The following BCL11B variants were observed in gnomAD, a reference collection of about 807,000 sequenced individuals.
BCL11B encodes the protein BCL11 transcription factor B.
In BCL11B, 8 loss-of-function variants were observed where a neutral mutation model predicts 49.9. That is an observed-to-expected ratio of 0.16 (90% CI 0.09 to 0.29). The LOEUF is 0.29. Among genes scored for constraint, BCL11B ranks in the 10% least tolerant of loss-of-function variants. BCL11B has a pLI of 1.00. For synonymous variants in BCL11B, 739 were observed against 637.4 expected (o/e 1.16, Z -2.40); for missense variants, 1,006 against 1,351.0 (o/e 0.74, Z 4.00).
At chr14:99,190,863 C>T (rs548942521) in intron 3 of BCL11B, among the ~76,000 whole-genome samples, 1 of 152,264 alleles carries the variant, frequency 6.6e-6, no homozygotes, top group South Asian at 2.1e-4. Flanking sequence ...GCGACTGTGA[C>T]AGACAGCTCA....
At position 99,205,302 on chromosome 14, in the gene BCL11B, G is replaced by A. The variant is rs1887502730; in HGVS notation, c.640+26043C>T. Among the ~76,000 whole-genome samples the A allele has an allele frequency of 2.0e-5, 3 of 152,134 alleles. No individual in the cohort carries two copies. The South Asian group carries it at 6.2e-4, about 32-fold the overall frequency. On this transcript the variant is annotated intron_variant, in intron 3 of 3. Coordinates refer to ENST00000357195, the MANE Select transcript of BCL11B (RefSeq NM_138576.4). This position sits in a 1 kb window ranked among gnomAD's most constrained non-coding sequence, Gnocchi z 5.0. ...CCACAGGGTCTCAGACCCTGAAAATGAGCATCCGGGGACAGTCCCTAACTG... is the reference window on the plus strand; with the variant it reads ...CCACAGGGTCTCAGACCCTGAAAATAAGCATCCGGGGACAGTCCCTAACTG...
intron 3 of BCL11B, among the ~76,000 whole-genome samples, chr14:99,179,817 A>C (rs566081833): frequency 6.6e-6 from 1 of 152,196 alleles, no homozygotes; most frequent in African/African-American, 2.4e-5. Context: ...TTTTTAATAA[A>C]ACATTCATTT....
At chr14:99,269,817 C>CAT (rs1889602565) in intron 1 of BCL11B, among the ~76,000 whole-genome samples, 2 of 132,906 alleles carry the variant, frequency 1.5e-5, no homozygotes, top group Admixed American at 8.7e-5. Context: ...GGATTGCAAG[C>CAT]ATATAACCTG....
At chr14:99,227,471 C>G (rs889754580) in intron 3 of BCL11B, among the ~76,000 whole-genome samples, 1 of 152,250 alleles carries the variant, frequency 6.6e-6, no homozygotes, top group Admixed American at 6.5e-5. Context: ...ACTTGACCAC[C>G]GCTTTCCAAT....
chr14:99,221,711 C>T (rs1050344675), intron 3 of BCL11B, among the ~76,000 whole-genome samples: 7 of 152,370 alleles, frequency 4.6e-5, no homozygotes, highest in Non-Finnish European at 7.3e-5. Flanking sequence ...TTCGCATCTG[C>T]GAAAACCAGG....
intron 2 of BCL11B, among the ~76,000 whole-genome samples, chr14:99,240,572 T>A (rs180994571): frequency 3.3e-5 from 5 of 152,230 alleles, no homozygotes; most frequent in Non-Finnish European, 7.3e-5. Context: ...TGTATGTAGA[T>A]GGCATTTAAT....
chr14:99,235,308 T>G lies in BCL11B; in HGVS notation c.428-3751A>C, dbSNP rs944141244. On this transcript the variant is annotated intron_variant, in intron 2 of 3. Coordinates refer to ENST00000357195, the MANE Select transcript of BCL11B (RefSeq NM_138576.4). Reference sequence around the variant, plus strand: ...TGATACATTTTTTTAAGCTGAGAACTCCTACTGATAGTGCAGAAATGAGTC... The same window carrying G: ...TGATACATTTTTTTAAGCTGAGAACGCCTACTGATAGTGCAGAAATGAGTC... Among the ~76,000 whole-genome samples the G allele has an allele frequency of 2.6e-5, 4 of 152,074 alleles. No individual in the cohort carries two copies. The East Asian group carries it at 7.7e-4, about 29-fold the overall frequency.
At chr14:99,217,516 T>A (rs1246262456) in intron 3 of BCL11B, among the ~76,000 whole-genome samples, 1 of 152,086 alleles carries the variant, frequency 6.6e-6, no homozygotes, top group Non-Finnish European at 1.5e-5. Flanking sequence ...TGGCTCCAAA[T>A]GAAAAAGCCG....
chr14:99,233,316 CTG>C, intron 2 of BCL11B, among the ~76,000 whole-genome samples: 1 of 152,192 alleles, frequency 6.6e-6, no homozygotes, highest in East Asian at 1.9e-4. Flanking sequence ...TGGGGGAAAA[CTG>C]AGGCTTAGGG....
At chr14:99,177,462 C>T (rs73420760) in intron 3 of BCL11B, among the ~76,000 whole-genome samples, 47 of 151,084 alleles carry the variant, frequency 3.1e-4, no homozygotes, top group Non-Finnish European at 1.5e-4. Flanking sequence ...TGAAGCTCGC[C>T]GCTTTTCCAG....
intron 3 of BCL11B, among the ~76,000 whole-genome samples, chr14:99,221,462 T>C (rs1166704170): frequency 6.6e-6 from 1 of 152,236 alleles, no homozygotes; most frequent in Non-Finnish European, 1.5e-5. Context: ...AATCATACAA[T>C]ACTGGCGTTC....
chr14:99,270,480 T>TG (rs1469612727), intron 1 of BCL11B, among the ~76,000 whole-genome samples: 2 of 25,356 alleles, frequency 7.9e-5, no homozygotes, highest in Non-Finnish European at 1.6e-4. Flanking sequence ...GGTGGGGAAG[T>TG]GGGGGGTGGG....
rs761140637 is a variant in BCL11B, at chr14:99,174,689, G to A, written c.2147C>T (p.Ala716Val). The change falls in exon 4 of 4, where the codon GCG becomes GTG. Residue 716 changes from alanine to valine, a missense_variant. This residue lies in a region of BCL11B where 443 missense variants were observed against 499.7 expected (regional missense o/e 0.89). Coordinates refer to ENST00000357195, the MANE Select transcript of BCL11B (RefSeq NM_138576.4). ...GTCCTTCATGAAGTGCCGCGACGCC[G>A]CGTAGCCCACCAGCCACTGCGAGTA... ...NVYSQWLVGY[A>V]ASRHFMKDPF... The A allele has an allele frequency of 1.9e-6, 3 of 1,574,184 alleles. No homozygotes were observed. Among genetic ancestry groups the A allele is most frequent in the Non-Finnish European group, 2.6e-6 (3 of 1,162,684 alleles).
At position 99,174,709 on chromosome 14, in the gene BCL11B, C is replaced by A. The variant is rs375263416; in HGVS notation, c.2127G>T (p.Ser709=). 1.3e-6 allele frequency: 2 copies of A among 1,564,944 alleles called. No individual in the cohort carries two copies. The highest frequency in any genetic ancestry group is 2.5e-5 in the East Asian group (1 of 39,874). Reference sequence around the variant, plus strand: ...ACGCCGCGTAGCCCACCAGCCACTGCGAGTACACGTTCTCGGACGGGATGA... The same window carrying A: ...ACGCCGCGTAGCCCACCAGCCACTGAGAGTACACGTTCTCGGACGGGATGA... ...AALIPSENVY[S]QWLVGYAASR... The change falls in exon 4 of 4, where the codon TCG becomes TCT. Residue 709 remains serine, a synonymous_variant. Coordinates refer to ENST00000357195, the MANE Select transcript of BCL11B (RefSeq NM_138576.4).
rs1319503978 is a variant in BCL11B at position 99,199,671 on chromosome 14, T to C, written c.641-23476A>G. 1.6e-3 allele frequency among the ~76,000 whole-genome samples: 140 copies of C among 86,210 alleles called. 1 individual carries two copies. The highest frequency in any genetic ancestry group is 5.3e-3 in the African/African-American group (114 of 21,640). The allele number at this position is 86,210 out of a possible 152,430, so 56.6% of individuals were successfully genotyped here. A position where few individuals can be genotyped will look rare whatever the true frequency, so the allele number is the denominator to read the frequency against. ...GTGTGTGTGTGTGTGTGTGTGTGTG[T>C]GTGTGTGTGTGTGCGCGCGCGCGCG... On this transcript the variant is annotated intron_variant, in intron 3 of 3. Coordinates refer to ENST00000357195, the MANE Select transcript of BCL11B (RefSeq NM_138576.4).
intron 1 of BCL11B, among the ~76,000 whole-genome samples, chr14:99,261,709 C>G (rs1219673648): frequency 6.6e-6 from 1 of 152,150 alleles, no homozygotes; most frequent in Non-Finnish European, 1.5e-5. Flanking sequence ...AATATTGCTG[C>G]TCTCAATATA....
In BCL11B at chr14:99,174,509, G is replaced by A; in HGVS notation, c.2327C>T (p.Thr776Ile). 6.5e-7 allele frequency: 1 copy of A among 1,540,126 alleles called. No homozygotes were observed. Among genetic ancestry groups the A allele is most frequent in the Non-Finnish European group, 8.7e-7 (1 of 1,145,068 alleles). The change falls in exon 4 of 4, where the codon ACC becomes ATC. Residue 776 changes from threonine (T) to isoleucine (I), a missense_variant. Transcript: ENST00000357195. ...GRSGTASGGSTPHLGGPGPGR... is the reference protein window; with the variant it reads ...GRSGTASGGSIPHLGGPGPGR... ...GGGGCCCGGGCCGCCCAGGTGCGGGGTGCTGCCTCCGCTGGCCGTGCCGCT... is the reference window on the plus strand; with the variant it reads ...GGGGCCCGGGCCGCCCAGGTGCGGGATGCTGCCTCCGCTGGCCGTGCCGCT...
At chr14:99,219,087 G>A (rs1312993287) in intron 3 of BCL11B, among the ~76,000 whole-genome samples, 4 of 151,410 alleles carry the variant, frequency 2.6e-5, no homozygotes, top group African/African-American at 7.3e-5. Flanking sequence ...GTTGCCCAAG[G>A]CTGGAGTGCA....
At chr14:99,220,483 G>A (rs1353716335) in intron 3 of BCL11B, among the ~76,000 whole-genome samples, 1 of 152,130 alleles carries the variant, frequency 6.6e-6, no homozygotes, top group Non-Finnish European at 1.5e-5. Flanking sequence ...AATGAGCTAG[G>A]TACAAAAGGA....
Sources: gnomAD v4.1 joint callset for allele counts (sites outside exome capture counted in the v4.1 genomes callset) on GRCh38, gnomAD v4.1.1 for gene constraint, gnomAD v4.1.1 regional missense constraint, Gnocchi (gnomAD v3.1) non-coding constraint, MANE v1.5 for transcripts, NCBI Gene and HGNC (gene_info 2026-07-23, HGNC 2026-07-21) for gene names.